Variants in VPS37A observed in about 807,000 individuals in gnomAD.
The protein encoded by VPS37A is VPS37A subunit of ESCRT-I.
Under a neutral mutation model 49.8 loss-of-function variants are expected in VPS37A, and 30 were observed. The ratio of observed to expected loss-of-function variants is 0.60; its 90% CI spans 0.45 to 0.82. The LOEUF is 0.82. VPS37A is among the 40% of genes least tolerant of loss of function. The pLI, the probability that VPS37A is intolerant of heterozygous loss-of-function variation, is 0.00. For missense variants in VPS37A, 593 were observed against 464.4 expected, an observed-to-expected ratio of 1.28 and a Z score of -2.55; for synonymous variants, 195 against 160.6, an observed-to-expected ratio of 1.21 and a Z score of -1.62.
intron 1 of VPS37A, among the ~76,000 whole-genome samples, chr8:17,250,630 C>T (rs1408488933): frequency 6.6e-6 from 1 of 152,152 alleles, no homozygotes; most frequent in Non-Finnish European, 1.5e-5. Flanking sequence ...TGTCATCTCC[C>T]TTCCAACTCT....
intron 1 of VPS37A, 27 bp downstream of exon 1, chr8:17,247,396 AGG>A: frequency 3.2e-6 from 2 of 621,208 alleles, no homozygotes; most frequent in East Asian, 7.2e-5. Flanking sequence ...TCTCCACCGG[AGG>A]AAAAAGTAGG....
At chr8:17,284,434 G>C in intron 9 of VPS37A, 39 bp from the exon 10 acceptor site, 1 of 1,541,654 alleles carries the variant, frequency 6.5e-7, no homozygotes, top group South Asian at 1.3e-5. Context: ...GTTCTTGTGA[G>C]TATCATAAAT....
In VPS37A at chr8:17,268,951, T is replaced by G; in HGVS notation, c.411T>G (p.Phe137Leu). 6.3e-7 allele frequency: 1 copy of G among 1,595,808 alleles called. No homozygotes were observed. The highest frequency in any genetic ancestry group is 1.1e-5 in the South Asian group (1 of 88,778). The stretch of plus-strand genomic sequence containing the variant: ...TTTTAGCTCCTACTTCAACAGCATT[T>G]CCTTAGTAAGTATATTTCTAGTAAA... ...PPVLAPTSTA[F>L]PYLYSNPSGM... Residue 137 changes from phenylalanine (F) to leucine (L), a missense_variant, in exon 4 of 12, where the codon TTT (phenylalanine) becomes TTG (leucine). By Grantham distance (22) the Phe-to-Leu change is conservative. Transcript: ENST00000324849.
chr8:17,257,591 A>G (rs1450869177), intron 1 of VPS37A, among the ~76,000 whole-genome samples: 2 of 152,226 alleles, frequency 1.3e-5, no homozygotes, highest in African/African-American at 4.8e-5. Context: ...CCTATGTAAC[A>G]AAACTGCACA....
At position 17,266,065 on chromosome 8, in the gene VPS37A, TA is replaced by T. The variant is rs545136414; in HGVS notation, c.200+86del. On this transcript the variant is annotated intron_variant, in intron 2 of 11. Transcript: ENST00000324849. The stretch of plus-strand genomic sequence containing the variant: ...TTCTTAGTTATTAGAAATAAACTTT[TA>T]AGGTGAACTTATTTCAAGTAACTAT... 7.0e-5 allele frequency: 84 copies of T among 1,193,608 alleles called. 1 individual carries two copies. The South Asian group carries it at 9.0e-4, about 13-fold the overall frequency. 73.9% of individuals were successfully genotyped at this position (1,193,608 alleles called of 1,614,324 possible).
rs964970653 is a variant in VPS37A at position 17,296,151 on chromosome 8, T to C, written c.*1165T>C. ...TAGTATAGATTGTCTGTCTTTTTTA[T>C]ATTTTTTAGTTCTTCCTGTACATGT... On this transcript the variant is annotated 3_prime_UTR_variant, in exon 12 of 12. Transcript: ENST00000324849. 7 of 152,364 alleles carry C rather than the reference T, an allele frequency of 4.6e-5. No individual in the cohort carries two copies. Among genetic ancestry groups the C allele is most frequent in the African/African-American group, 9.6e-5 (4 of 41,594 alleles). 9.4% of individuals were successfully genotyped at this position (152,364 alleles called of 1,614,324 possible). A position where few individuals can be genotyped will look rare whatever the true frequency, so the allele number is the denominator to read the frequency against.
chr8:17,323,110 G>C, the VPS37A span, among the ~76,000 whole-genome samples: 3 of 151,756 alleles, frequency 2.0e-5, no homozygotes, highest in Non-Finnish European at 4.4e-5. Flanking sequence ...ACCACGCCCA[G>C]CTAATTTTTG....
chr8:17,266,189 A>G (rs1312707144), intron 2 of VPS37A, among the ~76,000 whole-genome samples: 1 of 152,230 alleles, frequency 6.6e-6, no homozygotes, highest in Non-Finnish European at 1.5e-5. Context: ...AGGAAATGCA[A>G]TAAAAATGTG....
Position 17,295,902 on chromosome 8 carries a change from A to G in VPS37A, c.*916A>G, listed in dbSNP as rs1816589743. On this transcript the variant is annotated 3_prime_UTR_variant, in exon 12 of 12. Transcript: ENST00000324849. ...AATTTTTAGGCAATCCTGATTTTTA[A>G]TGAATTTAATTGAGTGTTCTTGTAT... 1 of 152,208 alleles carries G rather than the reference A, an allele frequency of 6.6e-6. No individual in the cohort carries two copies. Among genetic ancestry groups the G allele is most frequent in the South Asian group, 2.1e-4 (1 of 4,834 alleles). 9.4% of individuals were successfully genotyped at this position (152,208 alleles called of 1,614,324 possible). A position where few individuals can be genotyped will look rare whatever the true frequency, so the allele number is the denominator to read the frequency against.
At chr8:17,272,050 A>T (rs1218728457) in intron 4 of VPS37A, 1 of 456,666 alleles carries the variant, frequency 2.2e-6, no homozygotes. Context: ...TAGCTAGATC[A>T]TCCAATTCAC....
intron 1 of VPS37A, among the ~76,000 whole-genome samples, chr8:17,252,043 A>G (rs1489757217): frequency 1.3e-5 from 2 of 152,230 alleles, no homozygotes; most frequent in Non-Finnish European, 2.9e-5. Flanking sequence ...TGGTAACACA[A>G]GAGATATTGT....
At chr8:17,317,918 T>TC in the VPS37A span, among the ~76,000 whole-genome samples, 2 of 152,176 alleles carry the variant, frequency 1.3e-5, no homozygotes, top group Admixed American at 1.3e-4. Flanking sequence ...TGCCTTTTTT[T>TC]CCACTTCATT....
downstream of VPS37A, chr8:17,302,284 GA>G: frequency 6.2e-7 from 1 of 1,612,298 alleles, no homozygotes; most frequent in Non-Finnish European, 8.5e-7. Flanking sequence ...CCAAAACCTG[GA>G]AAGGATGGCA....
chr8:17,280,430 A>G lies in VPS37A; in HGVS notation c.956A>G (p.His319Arg). ...STFEKKMQRQ[H>R]ELSESCSASA... ...TTCGAAAAGAAGATGCAAAGGCAGC[A>G]TGAACTTAGTGAGGTAAGACTGTTT... Residue 319 changes from histidine (H) to arginine (R), a missense_variant, in exon 9 of 12, where the codon CAT (histidine) becomes CGT (arginine). Physicochemically the swap from His to Arg is conservative, Grantham distance 29. Coordinates refer to ENST00000324849, the MANE Select transcript of VPS37A (RefSeq NM_152415.3). 1.2e-6 allele frequency: 2 copies of G among 1,608,300 alleles called. No homozygotes were observed. The highest frequency in any genetic ancestry group is 1.7e-6 in the Non-Finnish European group (2 of 1,178,094).
At chr8:17,300,492 C>A (rs985412657), downstream of VPS37A, among the ~76,000 whole-genome samples, 2 of 152,134 alleles carry the variant, frequency 1.3e-5, no homozygotes, top group Admixed American at 6.5e-5. Context: ...CCAGTGAACC[C>A]TAGTCTCCCT....
downstream of VPS37A, chr8:17,300,278 C>G (rs1471999367): frequency 6.6e-7 from 1 of 1,526,584 alleles, no homozygotes; most frequent in African/African-American, 1.4e-5. Context: ...TTATCTTTTT[C>G]TATATATGCA....
intron 9 of VPS37A, among the ~76,000 whole-genome samples, chr8:17,281,215 T>G (rs2150404661): frequency 6.6e-6 from 1 of 152,142 alleles, no homozygotes; most frequent in Admixed American, 6.5e-5. Context: ...TATTGGGCCA[T>G]TATTACACCA....
the VPS37A span, among the ~76,000 whole-genome samples, chr8:17,323,748 T>C: frequency 6.6e-6 from 1 of 152,144 alleles, no homozygotes; most frequent in Non-Finnish European, 1.5e-5. Context: ...CAAGCAAATA[T>C]CGAACTGCCA....
At chr8:17,253,503 A>G (rs1812161967) in intron 1 of VPS37A, among the ~76,000 whole-genome samples, 1 of 152,244 alleles carries the variant, frequency 6.6e-6, no homozygotes, top group Admixed American at 6.5e-5. Flanking sequence ...AACAAACAGA[A>G]TGTAACGTTT....
Sources: allele counts gnomAD v4.1 joint callset (sites outside exome capture counted in the v4.1 genomes callset), GRCh38; gene constraint gnomAD v4.1.1; transcripts MANE v1.5; gene names NCBI Gene and HGNC (gene_info 2026-07-23, HGNC 2026-07-21).